HSPG2: variants seen among roughly 807,000 people sequenced by gnomAD.
The protein encoded by HSPG2 is heparan sulfate proteoglycan 2, also known as basement membrane-specific heparan sulfate proteoglycan core protein.
HSPG2 carries 278 observed loss-of-function variants against 526.6 expected under a neutral mutation model. The observed-to-expected ratio is 0.53, with a 90% CI of 0.48 to 0.58. The LOEUF (loss-of-function observed/expected upper bound fraction) is 0.58. Among genes scored for constraint, HSPG2 ranks in the 20% least tolerant of loss-of-function variants. The pLI is 0.00. For missense variants in HSPG2, 5,354 were observed against 6,099.5 expected (o/e 0.88, Z 4.07); for synonymous variants, 2,465 against 2,555.4 (o/e 0.96, Z 1.07).
chr1:21,863,330 G>T (rs571620710), intron 37 of HSPG2, among the ~76,000 whole-genome samples: 3 of 151,034 alleles, frequency 2.0e-5, no homozygotes, highest in Admixed American at 2.0e-4. Context: ...CCCAGATGGC[G>T]CCACTGCACT....
intron 1 of HSPG2, among the ~76,000 whole-genome samples, chr1:21,920,963 C>T (rs1644022039): frequency 6.6e-6 from 1 of 152,158 alleles, no homozygotes; most frequent in East Asian, 1.9e-4. Context: ...GCAGATCTTC[C>T]AGCTCATCCC....
chr1:21,829,309 C>T, intron 87 of HSPG2, 74 bp downstream of exon 87: 1 of 1,515,952 alleles, frequency 6.6e-7, no homozygotes, highest in Non-Finnish European at 9.2e-7. Flanking sequence ...TCCCATGCCT[C>T]CCTGGGGCTT....
chr1:21,878,916 G>C, intron 18 of HSPG2, 78 bp downstream of exon 18: 2 of 1,532,964 alleles, frequency 1.3e-6, no homozygotes, highest in African/African-American at 2.7e-5. Flanking sequence ...CAAGTCTCCT[G>C]CCTCCCTGCC....
At chr1:21,935,944 C>T (rs557553669) in intron 1 of HSPG2, among the ~76,000 whole-genome samples, 20 of 151,964 alleles carry the variant, frequency 1.3e-4, no homozygotes, top group Non-Finnish European at 2.4e-4. Context: ...AGTGAGGAGC[C>T]AGGTCTGGGT....
At chr1:21,874,564 GC>G (rs1640902041) in intron 27 of HSPG2, 31 bp from the exon 28 acceptor site, 7 of 1,613,806 alleles carry the variant, frequency 4.3e-6, no homozygotes, top group Non-Finnish European at 5.9e-6. Flanking sequence ...TTGAGGCTGG[GC>G]CTCCAGAGGC....
chr1:21,873,845 T>A, intron 29 of HSPG2, 80 bp downstream of exon 29: 1 of 1,231,426 alleles, frequency 8.1e-7, no homozygotes, highest in Non-Finnish European at 1.1e-6. Context: ...TCCTCTGGGT[T>A]GGGAGCGCTG....
chr1:21,840,011 A>G lies in HSPG2; in HGVS notation c.9520T>C (p.Ser3174Pro), dbSNP rs922556455. 2 of 1,614,194 alleles carry G rather than the reference A, an allele frequency of 1.2e-6. No homozygotes were observed. Among genetic ancestry groups the G allele is most frequent in the Non-Finnish European group, 8.5e-7 (1 of 1,180,040 alleles). The change falls in exon 72 of 97, where the codon TCA (serine) becomes CCA (proline). Residue 3174 changes from serine to proline, a missense_variant. Coordinates refer to ENST00000374695, the MANE Select transcript of HSPG2 (RefSeq NM_005529.7). ...MDSHAVLQIS[S>P]AKPSDAGTYV... is the part of the protein sequence containing the mutation. ...GTGCCCGCATCTGATGGTTTAGCTG[A>G]TGAAATCTGGGAGAAAGCAAGGAGG...
intron 39 of HSPG2, 128 bp downstream of exon 39, chr1:21,861,629 G>A: frequency 1.1e-6 from 1 of 874,766 alleles, no homozygotes; most frequent in Non-Finnish European, 1.9e-6. Flanking sequence ...AGGTGTCTTA[G>A]AAGTGTTTGA....
At chr1:21,869,177 GCT>G (rs1021756826) in intron 33 of HSPG2, among the ~76,000 whole-genome samples, 16 of 152,202 alleles carry the variant, frequency 1.1e-4, no homozygotes, top group African/African-American at 3.6e-4. Flanking sequence ...GTCCCCAGCT[GCT>G]CTCTCTGGGC....
rs1642310956 is a variant in HSPG2, at chr1:21,890,909, AAC to A, written c.245-217_245-216del. Among the ~76,000 whole-genome samples, 1 of 152,244 alleles carries A rather than the reference AAC, an allele frequency of 6.6e-6. No individual in the cohort carries two copies. The highest frequency in any genetic ancestry group is 2.4e-5 in the African/African-American group (1 of 41,468). ...CCAACTTGACTGAGGGGCTTTAACT[AAC>A]AGGGGAAATGGCCTGATCCAGAAAC... On this transcript the variant is annotated intron_variant, in intron 3 of 96. Transcript: ENST00000374695. The surrounding 1 kb of genome is among the most constrained non-coding windows in gnomAD (Gnocchi z 4.1).
intron 1 of HSPG2, among the ~76,000 whole-genome samples, chr1:21,900,039 G>A (rs1643005476): frequency 6.6e-6 from 1 of 152,252 alleles, no homozygotes; most frequent in Non-Finnish European, 1.5e-5. Context: ...GCCATTAGCA[G>A]CTCCAAGGTC....
chr1:21,915,571 A>C (rs1431888177), intron 1 of HSPG2, among the ~76,000 whole-genome samples: 1 of 152,226 alleles, frequency 6.6e-6, no homozygotes, highest in Non-Finnish European at 1.5e-5. Context: ...TGAGAGCTGG[A>C]ACGGTTCCAA....
At chr1:21,837,457 T>TTTTGTA (rs201956310) in intron 74 of HSPG2, among the ~76,000 whole-genome samples, 6,017 of 151,688 alleles carry the variant, frequency 0.04, 168 homozygotes, top group South Asian at 0.1. Flanking sequence ...TTTTTTTTTT[T>TTTTGTA]TTTTGTATTT....
chr1:21,874,828 G>T (rs1640920505), intron 26 of HSPG2, 63 bp downstream of exon 26: 4 of 1,520,872 alleles, frequency 2.6e-6, no homozygotes, highest in Middle Eastern at 1.7e-4. Flanking sequence ...GAGGGCTCAT[G>T]GAGAAGGAGC....
chr1:21,841,948 C>T (rs567703497), intron 69 of HSPG2, 54 bp downstream of exon 69: 38 of 1,603,698 alleles, frequency 2.4e-5, no homozygotes, highest in African/African-American at 9.3e-5. Flanking sequence ...GTGGGGATGA[C>T]GGCACCCCCA....
Position 21,874,106 on chromosome 1 carries a change from C to T in HSPG2, c.3657-95G>A, listed in dbSNP as rs960230126. 2.6e-6 allele frequency: 3 copies of T among 1,136,732 alleles called. No individual in the cohort carries two copies. The African/African-American group carries it at 4.6e-5, about 18-fold the overall frequency. The allele number at this position is 1,136,732 out of a possible 1,614,324, so 70.4% of individuals were successfully genotyped here. On this transcript the variant is annotated intron_variant, in intron 28 of 96. Coordinates refer to ENST00000374695, the MANE Select transcript of HSPG2 (RefSeq NM_005529.7). ...ACCAGGGGAGAGGGGAGGGGAAGAA[C>T]AGGCATGTGAACTCATGTGTCCTCA...
chr1:21,851,985 C>T, intron 53 of HSPG2, 59 bp from the exon 54 acceptor site: 3 of 1,609,110 alleles, frequency 1.9e-6, no homozygotes, highest in Non-Finnish European at 1.7e-6. Context: ...AAATGCCCCA[C>T]CGCTGTCCCC....
In HSPG2 at chr1:21,829,017, C is replaced by G. The variant is rs1230080117; in HGVS notation, c.12055G>C (p.Glu4019Gln). 6.4e-7 allele frequency: 1 copy of G among 1,558,864 alleles called. No homozygotes were observed. The highest frequency in any genetic ancestry group is 8.7e-7 in the Non-Finnish European group (1 of 1,152,286). The change falls in exon 88 of 97, where the codon GAG becomes CAG. Residue 4019 changes from glutamate (E) to glutamine (Q), a missense_variant. Coordinates refer to ENST00000374695, the MANE Select transcript of HSPG2 (RefSeq NM_005529.7). Reference protein sequence around the residue: ...ALGRWHRVSAERLNKDGSLRV... With the variant: ...ALGRWHRVSAQRLNKDGSLRV... ...AGGCTGCCGTCCTTGTTGAGACGCT[C>G]TGCAGACACACGGTGCCAGCGGCCC...
At chr1:21,829,157 T>G in intron 87 of HSPG2, 78 bp from the exon 88 acceptor site, 1 of 1,493,988 alleles carries the variant, frequency 6.7e-7, no homozygotes, top group Non-Finnish European at 8.9e-7. Flanking sequence ...AACAGGGCCC[T>G]GAGCAGATGG....
Sources: gnomAD v4.1 joint callset for allele counts (sites outside exome capture counted in the v4.1 genomes callset) on GRCh38, gnomAD v4.1.1 for gene constraint, Gnocchi (gnomAD v3.1) non-coding constraint, MANE v1.5 for transcripts, NCBI Gene and HGNC (gene_info 2026-07-23, HGNC 2026-07-21) for gene names.